GNE: variants seen among roughly 807,000 people sequenced by gnomAD.
GNE encodes glucosamine (UDP-N-acetyl)-2-epimerase/N-acetylmannosamine kinase.
GNE carries 41 observed loss-of-function variants against 61.8 expected under a neutral mutation model. The observed-to-expected ratio is 0.66, with a 90% CI of 0.52 to 0.86. The LOEUF is 0.86. Among genes scored for constraint, GNE ranks in the 40% least tolerant of loss-of-function variants. The pLI, the probability that GNE is intolerant of heterozygous loss-of-function variation, is 0.00. For synonymous variants in GNE, 264 were observed against 326.4 expected (o/e 0.81, Z 2.06); for missense variants, 608 against 909.1 (o/e 0.67, Z 4.26).
rs202058210 is a variant in GNE, at chr9:36,255,826, CAGAT to C, written c.-43+2491_-43+2494del. Among the ~76,000 whole-genome samples the C allele has an allele frequency of 1.6e-3, 236 of 152,240 alleles. No individual in the cohort carries two copies. The East Asian group carries it at 0.02, about 13-fold the overall frequency. ...AGACAGAAAAACAAATAATAGGTGACAGATGGATGGATGATAGATGTTAGACAGA... is the reference window on the plus strand; with the variant it reads ...AGACAGAAAAACAAATAATAGGTGACGGATGGATGATAGATGTTAGACAGA... On this transcript the variant is annotated intron_variant, in intron 1 of 11. Coordinates refer to ENST00000642385, the MANE Select transcript of GNE (RefSeq NM_005476.7).
chr9:36,267,272 G>A (rs936446435), intron 1 of GNE, among the ~76,000 whole-genome samples: 1 of 152,092 alleles, frequency 6.6e-6, no homozygotes, highest in Admixed American at 6.6e-5. Flanking sequence ...TTATCATGCC[G>A]ACCAGTCAGC....
intron 1 of GNE, among the ~76,000 whole-genome samples, chr9:36,249,996 C>T (rs1377916100): frequency 6.6e-6 from 1 of 152,068 alleles, no homozygotes; most frequent in African/African-American, 2.4e-5. Context: ...TATAAATCAG[C>T]TCTTGTTTAA....
At chr9:36,227,163 G>A in intron 7 of GNE, 85 bp downstream of exon 7, 1 of 817,010 alleles carries the variant, frequency 1.2e-6, no homozygotes, top group East Asian at 2.6e-5. Flanking sequence ...TATGTTTCTA[G>A]TCTTACCTTC....
At chr9:36,223,815 G>A (rs1008314989) in intron 7 of GNE, among the ~76,000 whole-genome samples, 1 of 151,260 alleles carries the variant, frequency 6.6e-6, no homozygotes, top group South Asian at 2.1e-4. Flanking sequence ...GCTATGGCGC[G>A]ATCTCAGCTC....
intron 1 of GNE, among the ~76,000 whole-genome samples, chr9:36,270,813 G>A (rs760410190): frequency 3.3e-5 from 5 of 152,152 alleles, no homozygotes; most frequent in African/African-American, 7.2e-5. Flanking sequence ...CACCACGCCC[G>A]GCCTGACAGG....
chr9:36,260,771 A>C (rs1020996907), upstream of GNE, among the ~76,000 whole-genome samples: 6 of 147,730 alleles, frequency 4.1e-5, no homozygotes, highest in African/African-American at 1.5e-4. Flanking sequence ...CGGGAGGCTG[A>C]GGCAGGAGAA....
In GNE at chr9:36,217,080, C is replaced by G. The variant is rs1172978029; in HGVS notation, c.*285G>C. On this transcript the variant is annotated 3_prime_UTR_variant, in exon 12 of 12. Coordinates refer to ENST00000642385, the MANE Select transcript of GNE (RefSeq NM_005476.7). ...AAGCAGAGTTCTAAGAAGGCTTCCT[C>G]TCTATTATTGTAGCTGCTTTGGCAC... 4.3e-6 allele frequency: 2 copies of G among 465,424 alleles called. No homozygotes were observed. Among genetic ancestry groups the G allele is most frequent in the African/African-American group, 3.9e-5 (2 of 50,712 alleles). 28.8% of individuals were successfully genotyped at this position (465,424 alleles called of 1,614,324 possible). A position where few individuals can be genotyped will look rare whatever the true frequency, so the allele number is the denominator to read the frequency against.
At chr9:36,228,914 A>G (rs2133048794) in intron 6 of GNE, 107 bp downstream of exon 6, 1 of 798,448 alleles carries the variant, frequency 1.3e-6, no homozygotes, top group East Asian at 2.4e-5. Context: ...CCGTAGGCAT[A>G]AGAAGGAAAG....
rs556904933 is a variant in GNE at position 36,276,933 on chromosome 9, A to G, written c.12T>C (p.Tyr4=). 4 of 1,613,038 alleles carry G rather than the reference A, an allele frequency of 2.5e-6. No individual in the cohort carries two copies. Among genetic ancestry groups the G allele is most frequent in the African/African-American group, 1.3e-5 (1 of 74,858 alleles). Reference sequence around the variant, plus strand: ...AGCATGACTCCCTCTGCAGATAACCATAGGTTTCCATCCCGAAGCACGAGC... The same window carrying G: ...AGCATGACTCCCTCTGCAGATAACCGTAGGTTTCCATCCCGAAGCACGAGC... The change falls in exon 1 of 12, where the codon TAT becomes TAC. Residue 4 remains tyrosine (Y), a synonymous_variant. Transcript: ENST00000396594.
chr9:36,226,070 C>G lies in GNE; in HGVS notation c.1281+1178G>C, dbSNP rs1191190048. On this transcript the variant is annotated intron_variant, in intron 7 of 11. Coordinates refer to ENST00000642385, the MANE Select transcript of GNE (RefSeq NM_005476.7). ...CTGCACAAAACATCTTTCTTTTCTT[C>G]TTGATTTCAATGGGAATGCCTCTAG... Among the ~76,000 whole-genome samples the G allele has an allele frequency of 3.3e-5, 5 of 152,150 alleles. No individual in the cohort carries two copies. The East Asian group carries it at 9.6e-4, about 29-fold the overall frequency.
chr9:36,221,188 G>T (rs1287141989), intron 9 of GNE, among the ~76,000 whole-genome samples: 1 of 152,200 alleles, frequency 6.6e-6, no homozygotes, highest in Non-Finnish European at 1.5e-5. Flanking sequence ...GGGTGTGGTG[G>T]CACATTCCTG....
intron 4 of GNE, among the ~76,000 whole-genome samples, chr9:36,235,485 C>CT (rs1206488126): frequency 1.3e-5 from 2 of 151,984 alleles, no homozygotes; most frequent in Non-Finnish European, 2.9e-5. Context: ...GGACCCTTTA[C>CT]TTTCATAGAA....
Position 36,227,464 on chromosome 9 carries a change from A to G in GNE, c.1071-6T>C, listed in dbSNP as rs756664166. On this transcript the variant is annotated splice_region_variant and splice_polypyrimidine_tract_variant and intron_variant, in intron 6 of 11. Coordinates refer to ENST00000642385, the MANE Select transcript of GNE (RefSeq NM_005476.7). ...CATCCCCATATATCTTTGAACTGCA[A>G]TATACAAAAAGTCAATTAAATTATA... 2 of 1,554,736 alleles carry G rather than the reference A, an allele frequency of 1.3e-6. No homozygotes were observed. The highest frequency in any genetic ancestry group is 1.7e-4 in the Middle Eastern group (1 of 5,830).
Position 36,242,742 on chromosome 9 carries a change from T to G in GNE, c.616+3289A>C, listed in dbSNP as rs1033060587. Among the ~76,000 whole-genome samples, 42 of 144,104 alleles carry G rather than the reference T, an allele frequency of 2.9e-4. 1 individual carries two copies. The highest frequency in any genetic ancestry group is 4.6e-5 in the Non-Finnish European group (3 of 65,822). The allele number at this position is 144,104 out of a possible 152,430, so 94.5% of individuals were successfully genotyped here. ...CTGGGTTTTATGCTTGTTTTTTTTT[T>G]TTTTTTTTTTTTTGAGATGGAGTCT... On this transcript the variant is annotated intron_variant, in intron 3 of 11. Coordinates refer to ENST00000642385, the MANE Select transcript of GNE (RefSeq NM_005476.7).
chr9:36,257,551 C>T (rs916002971), intron 1 of GNE, among the ~76,000 whole-genome samples: 1 of 151,630 alleles, frequency 6.6e-6, no homozygotes, highest in African/African-American at 2.4e-5. Context: ...CGCCTGTAAT[C>T]CCAGCACTTT....
At chr9:36,245,924 T>C in intron 3 of GNE, 107 bp downstream of exon 3, 1 of 892,880 alleles carries the variant, frequency 1.1e-6, no homozygotes, top group Non-Finnish European at 1.8e-6. Flanking sequence ...GGCCTTCTCA[T>C]TGCTAACAGA....
chr9:36,251,662 A>G (rs1295761826), intron 1 of GNE, among the ~76,000 whole-genome samples: 1 of 152,178 alleles, frequency 6.6e-6, no homozygotes, highest in African/African-American at 2.4e-5. Context: ...TTCATGTTTC[A>G]GTAAGTGTAT....
At chr9:36,244,366 G>T (rs557790278) in intron 3 of GNE, among the ~76,000 whole-genome samples, 1 of 152,170 alleles carries the variant, frequency 6.6e-6, no homozygotes, top group African/African-American at 2.4e-5. Context: ...TGTCCCCTAG[G>T]TAGTACTCTT....
At position 36,258,420 on chromosome 9, in the gene GNE, G is replaced by A; in HGVS notation, c.-142C>T. On this transcript the variant is annotated 5_prime_UTR_variant, in exon 1 of 12. Transcript: ENST00000642385. ...CAGGCAGAGCGCGAGCCTGCCCCTCGGTTTCCGCGCTCGGGCGCGCGGGTA... is the reference window on the plus strand; with the variant it reads ...CAGGCAGAGCGCGAGCCTGCCCCTCAGTTTCCGCGCTCGGGCGCGCGGGTA... The A allele has an allele frequency of 1.2e-5, 12 of 985,508 alleles. No homozygotes were observed. Among genetic ancestry groups the A allele is most frequent in the African/African-American group, 1.7e-5 (1 of 57,374 alleles). 61.0% of individuals were successfully genotyped at this position (985,508 alleles called of 1,614,324 possible).
Sources: allele counts gnomAD v4.1 joint callset (sites outside exome capture counted in the v4.1 genomes callset), GRCh38; gene constraint gnomAD v4.1.1; transcripts MANE v1.5; gene names NCBI Gene and HGNC (gene_info 2026-07-23, HGNC 2026-07-21).